PTPRM: variants seen among roughly 807,000 people sequenced by gnomAD.
The protein encoded by PTPRM is receptor-type tyrosine-protein phosphatase mu.
Under a neutral mutation model 186.7 loss-of-function variants are expected in PTPRM, and 47 were observed. That is an observed-to-expected ratio of 0.25 (90% CI 0.20 to 0.32). The LOEUF (loss-of-function observed/expected upper bound fraction) is 0.32, where lower values mean the gene tolerates loss of function less well. PTPRM is among the 10% of genes least tolerant of loss of function. The pLI is 1.00. For missense variants in PTPRM, 1,494 were observed against 1,865.0 expected (o/e 0.80, Z 3.66); for synonymous variants, 668 against 674.9 (o/e 0.99, Z 0.16).
intron 14 of PTPRM, among the ~76,000 whole-genome samples, chr18:8,203,956 A>G (rs575177770): frequency 2.0e-5 from 3 of 152,338 alleles, no homozygotes; most frequent in African/African-American, 7.2e-5. Flanking sequence ...TAGAAAATAC[A>G]TCGTAACAGT....
At chr18:7,836,260 T>A (rs2046043511) in intron 2 of PTPRM, among the ~76,000 whole-genome samples, 2 of 152,152 alleles carry the variant, frequency 1.3e-5, no homozygotes. Context: ...GTGTAAACAT[T>A]GTATGTTTTT....
intron 4 of PTPRM, among the ~76,000 whole-genome samples, chr18:7,915,086 C>T (rs566613523): frequency 1.2e-4 from 19 of 152,110 alleles, no homozygotes; most frequent in South Asian, 2.1e-4. Context: ...ATCTACAAAA[C>T]GATTTGTATC....
Position 8,394,633 on chromosome 18 carries a change from G to C in PTPRM, c.4344+22G>C, listed in dbSNP as rs138661986. The C allele has an allele frequency of 3.8e-6, 6 of 1,578,784 alleles. No individual in the cohort carries two copies. The South Asian group carries it at 6.9e-5, about 18-fold the overall frequency. ...CCTGGTAGGACACCCCCTCTGAGCT[G>C]TTCCATGAGACACCCCATTAGCATT... On this transcript the variant is annotated intron_variant, in intron 32 of 32. Coordinates refer to ENST00000580170, the MANE Select transcript of PTPRM (RefSeq NM_001105244.2).
chr18:7,815,875 G>C (rs4798598), intron 2 of PTPRM: 75,609 of 151,998 alleles, frequency 0.5, 20,507 homozygotes, highest in East Asian at 0.76. Context: ...AAAATCAGTG[G>C]AACTCCTAAA....
At chr18:7,706,937 C>T (rs1281338771) in intron 1 of PTPRM, among the ~76,000 whole-genome samples, 3 of 151,970 alleles carry the variant, frequency 2.0e-5, no homozygotes, top group African/African-American at 7.3e-5. Context: ...TTGAGGGTAG[C>T]CTTGTAAACA....
At chr18:8,287,696 G>A (rs1202095349) in intron 19 of PTPRM, among the ~76,000 whole-genome samples, 1 of 152,214 alleles carries the variant, frequency 6.6e-6, no homozygotes, top group East Asian at 1.9e-4. Flanking sequence ...AGGTGCAGAG[G>A]TGGAGGAAAT....
chr18:8,105,615 T>G lies in PTPRM; in HGVS notation c.1857-7871T>G, dbSNP rs577181306. On this transcript the variant is annotated intron_variant, in intron 11 of 32. Coordinates refer to ENST00000580170, the MANE Select transcript of PTPRM (RefSeq NM_001105244.2). ...CCTCCCCTACTTTTCACATTTTCTT[T>G]TCTTCAAAGTAATCTCTTCTGAAGG... Among the ~76,000 whole-genome samples the G allele has an allele frequency of 2.0e-5, 3 of 152,336 alleles. No individual in the cohort carries two copies. The South Asian group carries it at 6.2e-4, about 32-fold the overall frequency.
intron 14 of PTPRM, among the ~76,000 whole-genome samples, chr18:8,203,729 A>G (rs1026683171): frequency 1.2e-4 from 18 of 152,240 alleles, no homozygotes; most frequent in African/African-American, 3.9e-4. Flanking sequence ...ATGTATGTCT[A>G]TAGTGTGTGT....
intron 7 of PTPRM, among the ~76,000 whole-genome samples, chr18:7,965,870 C>T (rs1200168048): frequency 2.6e-5 from 4 of 152,142 alleles, no homozygotes; most frequent in African/African-American, 9.7e-5. Flanking sequence ...GAAATGTGGG[C>T]TCACTGGGAC....
At chr18:8,343,969 C>A (rs551976279) in intron 23 of PTPRM, among the ~76,000 whole-genome samples, 1 of 152,298 alleles carries the variant, frequency 6.6e-6, no homozygotes, top group East Asian at 1.9e-4. Context: ...GTCTCAGTTT[C>A]CAAACCTGTG....
chr18:8,049,209 A>T (rs2087287447), intron 7 of PTPRM, among the ~76,000 whole-genome samples: 1 of 152,238 alleles, frequency 6.6e-6, no homozygotes, highest in Non-Finnish European at 1.5e-5. Flanking sequence ...GTATAGAAAC[A>T]ATTCAAGATT....
chr18:8,040,618 A>G (rs2148157440), intron 7 of PTPRM, among the ~76,000 whole-genome samples: 1 of 152,294 alleles, frequency 6.6e-6, no homozygotes, highest in South Asian at 2.1e-4. Context: ...TTTTAATCTC[A>G]AGTTTTTAAA....
chr18:7,808,084 G>A (rs970807726), intron 2 of PTPRM, among the ~76,000 whole-genome samples: 6 of 152,182 alleles, frequency 3.9e-5, no homozygotes, highest in Non-Finnish European at 5.9e-5. Flanking sequence ...GGTTGTGAGC[G>A]ATGGATGGAG....
chr18:7,627,289 C>G (rs1034763636), intron 1 of PTPRM, among the ~76,000 whole-genome samples: 3 of 152,272 alleles, frequency 2.0e-5, no homozygotes, highest in African/African-American at 7.2e-5. Flanking sequence ...GGATATGGGC[C>G]TTTTCCTTTG....
At chr18:8,146,000 T>G (rs2092875192) in intron 14 of PTPRM, among the ~76,000 whole-genome samples, 1 of 151,326 alleles carries the variant, frequency 6.6e-6, no homozygotes, top group Non-Finnish European at 1.5e-5. Context: ...ATCTGTTGTT[T>G]CCTGACTTTT....
At chr18:7,727,402 T>G (rs929072454) in intron 1 of PTPRM, among the ~76,000 whole-genome samples, 3 of 152,238 alleles carry the variant, frequency 2.0e-5, no homozygotes, top group Non-Finnish European at 4.4e-5. Flanking sequence ...TATTTTGGCT[T>G]ATAAGGAAAA....
intron 14 of PTPRM, among the ~76,000 whole-genome samples, chr18:8,145,974 C>G (rs938337810): frequency 6.6e-6 from 1 of 151,468 alleles, no homozygotes; most frequent in East Asian, 1.9e-4. Flanking sequence ...TCCTGTTTCT[C>G]TGCATATTCT....
chr18:7,575,511 T>C (rs2036666371), intron 1 of PTPRM, among the ~76,000 whole-genome samples: 1 of 152,258 alleles, frequency 6.6e-6, no homozygotes, highest in Non-Finnish European at 1.5e-5. Flanking sequence ...AATTCAGCAC[T>C]GATCCAGAGA....
intron 22 of PTPRM, among the ~76,000 whole-genome samples, chr18:8,327,316 A>G (rs1426507049): frequency 6.6e-6 from 1 of 152,224 alleles, no homozygotes. Flanking sequence ...CAGATGCCAG[A>G]TAGTCATTTA....
Sources: gnomAD v4.1 joint callset for allele counts (sites outside exome capture counted in the v4.1 genomes callset) on GRCh38, gnomAD v4.1.1 for gene constraint, MANE v1.5 for transcripts, NCBI Gene and HGNC (gene_info 2026-07-23, HGNC 2026-07-21) for gene names.